Variants in PTK2 observed in about 807,000 individuals in gnomAD.
The protein encoded by PTK2 is protein tyrosine kinase 2.
A neutral mutation model predicts 150.1 loss-of-function variants in PTK2; 45 were observed. That is an observed-to-expected ratio of 0.30 (90% CI 0.24 to 0.38). PTK2 has a LOEUF of 0.38. Ranked by LOEUF, PTK2 falls within the 10% of genes least tolerant of loss-of-function variation. PTK2 has a pLI of 1.00. For missense variants in PTK2, 919 were observed against 1,307.3 expected, an observed-to-expected ratio of 0.70 and a Z score of 4.58; for synonymous variants, 432 against 449.2, an observed-to-expected ratio of 0.96 and a Z score of 0.48.
chr8:140,970,624 T>C (rs1272889736), intron 1 of PTK2, among the ~76,000 whole-genome samples: 6 of 152,230 alleles, frequency 3.9e-5, no homozygotes, highest in Non-Finnish European at 8.8e-5. Context: ...TCACCACGAC[T>C]TGTGCCATCA....
intron 20 of PTK2, among the ~76,000 whole-genome samples, chr8:140,741,357 C>T (rs1181656907): frequency 2.0e-5 from 3 of 149,082 alleles, no homozygotes; most frequent in Admixed American, 1.3e-4. Flanking sequence ...CAGGAGGCTG[C>T]GGCAGGAGAA....
In PTK2 at chr8:140,771,768, A is replaced by C. The variant is rs1472497845; in HGVS notation, c.1178-7478T>G. On this transcript the variant is annotated intron_variant, in intron 14 of 31. Coordinates refer to ENST00000522684, the Ensembl canonical transcript of PTK2. ...AATATTTTTCAAACGGTATGCTTTG[A>C]TCCTATTAACATTTTTTTTTTTTTT... Among the ~76,000 whole-genome samples, 3 of 150,614 alleles carry C rather than the reference A, an allele frequency of 2.0e-5. No homozygotes were observed. In the East Asian group the frequency reaches 5.9e-4, roughly 29 times the overall value.
intron 1 of PTK2, among the ~76,000 whole-genome samples, chr8:141,000,409 C>A (rs2100199677): frequency 6.6e-6 from 1 of 152,214 alleles, no homozygotes; most frequent in Admixed American, 6.5e-5. Context: ...CCTTGGCTGC[C>A]CGCGAGGCCG....
At chr8:140,819,099 T>C in intron 8 of PTK2, 79 bp from the exon 9 acceptor site, 2 of 1,425,118 alleles carry the variant, frequency 1.4e-6, no homozygotes, top group Non-Finnish European at 1.9e-6. Context: ...AAGATTTCTT[T>C]CCTACCAACT....
At chr8:140,883,248 G>C (rs2100150268) in intron 3 of PTK2, among the ~76,000 whole-genome samples, 1 of 152,142 alleles carries the variant, frequency 6.6e-6, no homozygotes, top group Non-Finnish European at 1.5e-5. Context: ...TGATGCTAGT[G>C]ACACAATAAC....
intron 1 of PTK2, among the ~76,000 whole-genome samples, chr8:140,969,160 C>T (rs1433442851): frequency 6.6e-6 from 1 of 152,152 alleles, no homozygotes; most frequent in African/African-American, 2.4e-5. Flanking sequence ...CAAACCACCA[C>T]CACATCAGCA....
At chr8:140,936,104 T>A (rs760838506) in intron 1 of PTK2, among the ~76,000 whole-genome samples, 5 of 152,114 alleles carry the variant, frequency 3.3e-5, no homozygotes, top group Non-Finnish European at 7.4e-5. Context: ...TGGCTACAAG[T>A]GAGCTATGAT....
At chr8:140,680,814 G>A (rs553688820) in intron 27 of PTK2, among the ~76,000 whole-genome samples, 1 of 152,258 alleles carries the variant, frequency 6.6e-6, no homozygotes, top group African/African-American at 2.4e-5. Flanking sequence ...AAGAATGTCA[G>A]CCACTGTGCC....
intron 8 of PTK2, among the ~76,000 whole-genome samples, chr8:140,820,376 T>TA (rs1273833586): frequency 1.3e-5 from 2 of 151,862 alleles, no homozygotes; most frequent in African/African-American, 2.4e-5. Flanking sequence ...GCTGGGATTA[T>TA]AGGCATGAGC....
intron 12 of PTK2, among the ~76,000 whole-genome samples, chr8:140,798,626 A>C (rs1286966936): frequency 6.6e-6 from 1 of 152,198 alleles, no homozygotes. Context: ...TGGAAGGCTC[A>C]TTTAATGCCT....
intron 16 of PTK2, among the ~76,000 whole-genome samples, chr8:140,754,088 CAA>C (rs2100064271): frequency 6.6e-6 from 1 of 152,176 alleles, no homozygotes; most frequent in Non-Finnish European, 1.5e-5. Flanking sequence ...CATTTTCAAA[CAA>C]GAGAAATCTG....
intron 16 of PTK2, among the ~76,000 whole-genome samples, chr8:140,756,845 C>T (rs746173750): frequency 6.6e-6 from 1 of 151,502 alleles, no homozygotes; most frequent in East Asian, 1.9e-4. Context: ...AAAAATTAGC[C>T]GGGCGTGGTG....
At position 140,743,260 on chromosome 8, in the gene PTK2, G is replaced by A. The variant is rs139298046; in HGVS notation, c.1705C>T (p.Arg569Ter). The A allele has an allele frequency of 1.2e-6, 2 of 1,610,492 alleles. No homozygotes were observed. Among genetic ancestry groups the A allele is most frequent in the Non-Finnish European group, 1.7e-6 (2 of 1,177,060 alleles). ...TAGTAAGTACTATCTTCCATATATC[G>A]GGATAATCCAAAGTCTCCTAATTTT... The change falls in exon 20 of 32, where the codon CGA (arginine) becomes TGA (stop). Residue 569 changes from arginine to a stop codon, truncating the protein, a stop_gained. Transcript: ENST00000522684. LOFTEE classifies it high-confidence loss of function.
intron 1 of PTK2, among the ~76,000 whole-genome samples, chr8:140,969,994 C>G (rs1472660021): frequency 2.0e-5 from 3 of 152,240 alleles, no homozygotes; most frequent in Non-Finnish European, 4.4e-5. Flanking sequence ...CAGCTGTAGG[C>G]TGATGTGCTG....
intron 1 of PTK2, among the ~76,000 whole-genome samples, chr8:140,959,306 G>A (rs561948912): frequency 3.5e-4 from 53 of 151,602 alleles, no homozygotes; most frequent in Non-Finnish European, 6.2e-4. Context: ...CAAGGAGGGC[G>A]GATCATGAGG....
intron 1 of PTK2, among the ~76,000 whole-genome samples, chr8:140,993,454 C>T (rs1253504116): frequency 2.0e-5 from 3 of 152,220 alleles, no homozygotes; most frequent in African/African-American, 7.2e-5. Flanking sequence ...GTGTAAGACA[C>T]TGGTGATTCA....
intron 17 of PTK2, chr8:140,747,114 T>A: frequency 6.4e-6 from 2 of 313,096 alleles, no homozygotes; most frequent in Non-Finnish European, 1.2e-5. Flanking sequence ...ATGGTCTCGA[T>A]CTCTTGACCT....
intron 29 of PTK2, chr8:140,670,139 C>G (rs1195685690): frequency 6.0e-6 from 1 of 165,368 alleles, no homozygotes; most frequent in Non-Finnish European, 1.3e-5. Flanking sequence ...TCAGGAGAAA[C>G]TGCAGCAGCC....
intron 20 of PTK2, 109 bp from the exon 24 acceptor site, chr8:140,739,216 C>G (rs1016803889): frequency 6.5e-6 from 4 of 612,422 alleles, no homozygotes; most frequent in African/African-American, 3.8e-5. Flanking sequence ...CTATTTGAAC[C>G]CTTGAGGCTT....
Sources: allele counts gnomAD v4.1 joint callset (sites outside exome capture counted in the v4.1 genomes callset), GRCh38; gene constraint gnomAD v4.1.1; transcripts MANE v1.5; gene names NCBI Gene and HGNC (gene_info 2026-07-23, HGNC 2026-07-21).